Variants in KDM4B observed in about 807,000 individuals in gnomAD.
KDM4B encodes the protein lysine demethylase 4B.
Under a neutral mutation model 125.2 loss-of-function variants are expected in KDM4B, and 32 were observed. That is an observed-to-expected ratio of 0.26 (90% confidence interval 0.19 to 0.34). The LOEUF is 0.34. KDM4B is among the 10% of genes least tolerant of loss of function. The pLI is 1.00. For synonymous variants in KDM4B, 721 were observed against 677.9 expected (o/e 1.06, Z -0.99); for missense variants, 1,190 against 1,577.7 (o/e 0.75, Z 4.16).
chr19:5,048,378 G>A (rs1042058317), intron 6 of KDM4B, among the ~76,000 whole-genome samples: 7 of 152,220 alleles, frequency 4.6e-5, no homozygotes, highest in African/African-American at 9.6e-5. Flanking sequence ...CTGTGTCACC[G>A]GGCTCTGCTT....
At chr19:5,019,672 G>GCA (rs2036027164) in intron 2 of KDM4B, among the ~76,000 whole-genome samples, 3 of 146,676 alleles carry the variant, frequency 2.0e-5, no homozygotes, top group Middle Eastern at 3.8e-3. Context: ...GTGTTGGCGT[G>GCA]GATGTTGGTG....
At position 5,082,044 on chromosome 19, in the gene KDM4B, G is replaced by A. The variant is rs563363771; in HGVS notation, c.781-323G>A. On this transcript the variant is annotated intron_variant, in intron 8 of 22. Transcript: ENST00000159111. The surrounding 1 kb of genome is among the most constrained non-coding windows in gnomAD (Gnocchi z 5.4). ...CCCCACGGGCATTGTGTCCAGCCAC[G>A]GCTCCATCTGCGGTTCTCCCACTGG... is the stretch of plus-strand genomic sequence containing the variant. 2.4e-4 allele frequency among the ~76,000 whole-genome samples: 37 copies of A among 152,274 alleles called. No homozygotes were observed. Among genetic ancestry groups the A allele is most frequent in the Middle Eastern group, 6.8e-3 (2 of 294 alleles).
intron 1 of KDM4B, among the ~76,000 whole-genome samples, chr19:5,008,871 G>T (rs1289083503): frequency 6.8e-6 from 1 of 146,764 alleles, no homozygotes; most frequent in Non-Finnish European, 1.5e-5. Context: ...AAAGTGCTAG[G>T]ATTATAGGCA....
At chr19:5,150,974 T>TCGAGAGG (rs777659821) in intron 22 of KDM4B, among the ~76,000 whole-genome samples, 1 of 152,182 alleles carries the variant, frequency 6.6e-6, no homozygotes, top group Non-Finnish European at 1.5e-5. Context: ...CTCTTTCTAA[T>TCGAGAGG]CGAGAGGCGA....
chr19:5,151,565 C>A lies in KDM4B; in HGVS notation c.*54C>A. The A allele has an allele frequency of 7.8e-7, 1 of 1,277,254 alleles. No individual in the cohort carries two copies. Among genetic ancestry groups the A allele is most frequent in the South Asian group, 2.2e-5 (1 of 44,476 alleles). The allele number at this position is 1,277,254 out of a possible 1,614,324, so 79.1% of individuals were successfully genotyped here. On this transcript the variant is annotated 3_prime_UTR_variant, in exon 23 of 23. Transcript: ENST00000159111. ...CCCGGCGGGGAGGCCATGGCATGCC[C>A]CGGGCGTTCGCTTGCTGTGAATTCC...
At chr19:5,056,875 C>T (rs375042405) in intron 6 of KDM4B, among the ~76,000 whole-genome samples, 2 of 76,586 alleles carry the variant, frequency 2.6e-5, no homozygotes, top group Non-Finnish European at 2.8e-5. Flanking sequence ...AGTCCTGGGG[C>T]GGGGACGCTG....
intron 18 of KDM4B, among the ~76,000 whole-genome samples, chr19:5,143,366 C>T (rs1487381072): frequency 6.6e-6 from 1 of 152,022 alleles, no homozygotes; most frequent in Non-Finnish European, 1.5e-5. Context: ...TAAAGTGTGC[C>T]ACTCTATGTT....
At chr19:5,024,033 G>C (rs1480757646) in intron 2 of KDM4B, among the ~76,000 whole-genome samples, 1 of 152,094 alleles carries the variant, frequency 6.6e-6, no homozygotes, top group Non-Finnish European at 1.5e-5. Flanking sequence ...TCACAGGCGT[G>C]AGCCCCTGCC....
intron 9 of KDM4B, among the ~76,000 whole-genome samples, chr19:5,100,087 A>T (rs2038901916): frequency 6.6e-6 from 1 of 152,162 alleles, no homozygotes; most frequent in African/African-American, 2.4e-5. Flanking sequence ...CTGATTCCTC[A>T]TCCTTGGTGT....
chr19:5,026,981 C>T (rs1242599758), intron 2 of KDM4B, among the ~76,000 whole-genome samples: 7 of 152,220 alleles, frequency 4.6e-5, no homozygotes, highest in South Asian at 2.1e-4. Context: ...ACTATGTTGG[C>T]CTGGCTCCAG....
At chr19:5,036,200 A>G (rs898871707) in intron 3 of KDM4B, among the ~76,000 whole-genome samples, 11 of 149,532 alleles carry the variant, frequency 7.4e-5, no homozygotes, top group Admixed American at 4.6e-4. Context: ...TGCCTTGACC[A>G]CTGTGTGTGT....
intron 22 of KDM4B, 104 bp downstream of exon 22, chr19:5,150,554 C>G (rs1599284534): frequency 4.0e-6 from 3 of 758,220 alleles, no homozygotes; most frequent in East Asian, 5.8e-5. Flanking sequence ...ACCACCCCCT[C>G]CTCTTGCACC....
At position 5,151,403 on chromosome 19, in the gene KDM4B, G is replaced by A. The variant is rs368912330; in HGVS notation, c.3183G>A (p.Pro1061=). The A allele has an allele frequency of 3.3e-5, 52 of 1,582,574 alleles. No homozygotes were observed. The highest frequency in any genetic ancestry group is 1.4e-4 in the East Asian group (6 of 42,980). Residue 1061 remains proline, a synonymous_variant, in exon 23 of 23, where the codon CCG becomes CCA. Coordinates refer to ENST00000159111, the MANE Select transcript of KDM4B (RefSeq NM_015015.3). ...SGEEAKAAKR[P]RVGTPLATED... The stretch of plus-strand genomic sequence containing the variant: ...AGGAGGCCAAGGCCGCCAAGCGCCC[G>A]CGTGTGGGCACCCCGCTTGCCACGG...
chr19:5,147,570 C>A (rs1269756460), intron 21 of KDM4B, among the ~76,000 whole-genome samples: 2 of 151,964 alleles, frequency 1.3e-5, no homozygotes, highest in Non-Finnish European at 2.9e-5. Flanking sequence ...CGCAGCAAAA[C>A]CCTGTCTCTA....
At chr19:5,084,292 T>C (rs1423364295) in intron 9 of KDM4B, among the ~76,000 whole-genome samples, 1 of 146,550 alleles carries the variant, frequency 6.8e-6, no homozygotes, top group African/African-American at 2.5e-5. Flanking sequence ...TTATATGTTA[T>C]ATATAATTTA....
intron 1 of KDM4B, among the ~76,000 whole-genome samples, chr19:4,989,222 T>C (rs1227127055): frequency 1.3e-5 from 2 of 152,200 alleles, no homozygotes; most frequent in Non-Finnish European, 2.9e-5. Context: ...TGCAGAGTGC[T>C]GGTTCTTTGC....
intron 1 of KDM4B, among the ~76,000 whole-genome samples, chr19:5,007,098 G>A (rs2035585022): frequency 6.6e-6 from 1 of 152,166 alleles, no homozygotes; most frequent in African/African-American, 2.4e-5. Context: ...CTTGGGGGAG[G>A]GCCCTGTCCC....
chr19:5,047,646 G>A lies in KDM4B; in HGVS notation c.603G>A (p.Leu201=). 6.2e-7 allele frequency: 1 copy of A among 1,613,886 alleles called. No individual in the cohort carries two copies. Among genetic ancestry groups the A allele is most frequent in the Non-Finnish European group, 8.5e-7 (1 of 1,179,838 alleles). Residue 201 remains leucine, a synonymous_variant, in exon 6 of 23, where the codon CTG becomes CTA. Transcript: ENST00000159111. The part of the protein sequence containing the change: ...EDMDLYSINY[L]HFGEPKSWYA... ...TGGACCTGTACAGCATCAACTACCTGCACTTTGGGGAGCCTAAGTCCTGGT... is the reference window on the plus strand; with the variant it reads ...TGGACCTGTACAGCATCAACTACCTACACTTTGGGGAGCCTAAGTCCTGGT...
intron 22 of KDM4B, 129 bp downstream of exon 22, chr19:5,150,579 G>A (rs1240943072): frequency 6.1e-6 from 4 of 659,962 alleles, no homozygotes; most frequent in Non-Finnish European, 1.0e-5. Flanking sequence ...CTGGAAGGGG[G>A]TCCCGGCCGC....
Sources: gnomAD v4.1 joint callset for allele counts (sites outside exome capture counted in the v4.1 genomes callset) on GRCh38, gnomAD v4.1.1 for gene constraint, Gnocchi (gnomAD v3.1) non-coding constraint, MANE v1.5 for transcripts, NCBI Gene and HGNC (gene_info 2026-07-23, HGNC 2026-07-21) for gene names.